The following SNX32 variants were observed in gnomAD, a reference collection of about 807,000 sequenced individuals.
SNX32 encodes the protein sorting nexin 32, also known as sorting nexin-32.
In SNX32, 58 loss-of-function variants were observed where a neutral mutation model predicts 57.0. That is an observed-to-expected ratio of 1.02 (90% CI 0.82 to 1.27). The LOEUF is 1.27. SNX32 is among the 50% of genes most tolerant of loss of function. SNX32 has a pLI of 0.00. For synonymous variants in SNX32, 262 were observed against 220.4 expected (o/e 1.19, Z -1.67); for missense variants, 589 against 541.2 (o/e 1.09, Z -0.88).
intron 12 of SNX32, 54 bp downstream of exon 12, chr11:65,853,012 C>T (rs1859267750): frequency 1.3e-6 from 2 of 1,578,540 alleles, no homozygotes; most frequent in Non-Finnish European, 1.7e-6. Context: ...TCCCACCTCC[C>T]TCCCTCCCCC....
chr11:65,851,617 A>C, intron 8 of SNX32, 23 bp from the exon 9 acceptor site: 1 of 1,613,454 alleles, frequency 6.2e-7, no homozygotes, highest in Non-Finnish European at 8.5e-7. Flanking sequence ...CCCTACCCTA[A>C]CTCCCTCCCT....
At position 65,853,586 on chromosome 11, in the gene SNX32, TCTCC is replaced by T. The variant is rs1565257158; in HGVS notation, c.*253_*256del. 1.8e-6 allele frequency: 1 copy of T among 569,674 alleles called. No individual in the cohort carries two copies. Among genetic ancestry groups the T allele is most frequent in the Admixed American group, 3.1e-5 (1 of 32,486 alleles). The allele number at this position is 569,674 out of a possible 1,614,324, so 35.3% of individuals were successfully genotyped here. The stretch of plus-strand genomic sequence containing the variant: ...GCAGAGCCCCAGGGACCCTGACACC[TCTCC>T]CCAGGAAGCTGAGGAACAGCCTCTA... On this transcript the variant is annotated 3_prime_UTR_variant, in exon 13 of 13. Transcript: ENST00000308342.
At position 65,853,360 on chromosome 11, in the gene SNX32, T is replaced by C. The variant is rs767634000; in HGVS notation, c.*25T>C. 2 of 1,610,796 alleles carry C rather than the reference T, an allele frequency of 1.2e-6. No homozygotes were observed. Among genetic ancestry groups the C allele is most frequent in the South Asian group, 2.2e-5 (2 of 91,012 alleles). On this transcript the variant is annotated 3_prime_UTR_variant, in exon 13 of 13. Coordinates refer to ENST00000308342, the MANE Select transcript of SNX32 (RefSeq NM_152760.3). ...GAGTAGCCAGAGCTCAGCCAGACCCTAATCTGGGATCTCCAGTGACCAGGG... is the reference window on the plus strand; with the variant it reads ...GAGTAGCCAGAGCTCAGCCAGACCCCAATCTGGGATCTCCAGTGACCAGGG...
In SNX32 at chr11:65,851,994, CAT is replaced by C. The variant is rs548310545; in HGVS notation, c.825+316_825+317del. On this transcript the variant is annotated intron_variant, in intron 9 of 12. Coordinates refer to ENST00000308342, the MANE Select transcript of SNX32 (RefSeq NM_152760.3). ...GCTGCCAGCACACTGCCCGGGCACA[CAT>C]GTTCCCCACTCTTCCCTAAGAAAGT... Among the ~76,000 whole-genome samples, 62 of 152,282 alleles carry C rather than the reference CAT, an allele frequency of 4.1e-4. 1 individual carries two copies. The highest frequency in any genetic ancestry group is 9.4e-4 in the African/African-American group (39 of 41,556).
chr11:65,851,012 C>T lies in SNX32; in HGVS notation c.604-43C>T, dbSNP rs750284291. The T allele has an allele frequency of 5.1e-6, 8 of 1,568,140 alleles. No homozygotes were observed. The East Asian group carries it at 9.0e-5, about 18-fold the overall frequency. On this transcript the variant is annotated intron_variant, in intron 6 of 12. Coordinates refer to ENST00000308342, the MANE Select transcript of SNX32 (RefSeq NM_152760.3). ...CCTGGGTGCCTGTGTTGTCAAGCCC[C>T]GTGGTGACCCAGTGTAAATGGGGTC...
chr11:65,851,008 G>T, intron 6 of SNX32, 47 bp from the exon 7 acceptor site: 1 of 1,563,640 alleles, frequency 6.4e-7, no homozygotes, highest in Non-Finnish European at 8.8e-7. Context: ...GTGTTGTCAA[G>T]CCCCGTGGTG....
chr11:65,839,349 C>T (rs1433727592), intron 1 of SNX32, among the ~76,000 whole-genome samples: 3 of 142,216 alleles, frequency 2.1e-5, no homozygotes, highest in African/African-American at 7.9e-5. Flanking sequence ...CCCGCCTCAG[C>T]CTCCCAAGTA....
intron 1 of SNX32, among the ~76,000 whole-genome samples, chr11:65,843,873 A>G (rs1858915522): frequency 6.6e-6 from 1 of 152,252 alleles, no homozygotes; most frequent in Non-Finnish European, 1.5e-5. Flanking sequence ...AGATAATCTG[A>G]TCTTTCAAAG....
chr11:65,849,941 C>G lies in SNX32; in HGVS notation c.163C>G (p.Gln55Glu), dbSNP rs1196826748. ...QTKSCLPHFA[Q>E]TEFSVVRQHE... ...CCAGAGCTGCCTCCCTCACTTCGCCCAGACCGAGTTCTCAGTCGTGCGGCA... is the reference window on the plus strand; with the variant it reads ...CCAGAGCTGCCTCCCTCACTTCGCCGAGACCGAGTTCTCAGTCGTGCGGCA... The change falls in exon 3 of 13, where the codon CAG becomes GAG. Residue 55 changes from glutamine (Q) to glutamate (E), a missense_variant. By Grantham distance (29) the Gln-to-Glu change is conservative. Transcript: ENST00000308342. 8 of 1,586,044 alleles carry G rather than the reference C, an allele frequency of 5.0e-6. No homozygotes were observed. Among genetic ancestry groups the G allele is most frequent in the Admixed American group, 1.7e-5 (1 of 58,210 alleles).
In SNX32 at chr11:65,852,972, C is replaced by T; in HGVS notation, c.1158+14C>T. ...AAACACGCCAAGGTGAGCCCTCCCA[C>T]CTCACTGGGCCCTTGTGAAGCCTCC... On this transcript the variant is annotated intron_variant, in intron 12 of 12. Coordinates refer to ENST00000308342, the MANE Select transcript of SNX32 (RefSeq NM_152760.3). 1.2e-6 allele frequency: 2 copies of T among 1,613,676 alleles called. No individual in the cohort carries two copies. The highest frequency in any genetic ancestry group is 1.7e-5 in the Admixed American group (1 of 60,016).
At chr11:65,841,305 T>C (rs1243074578) in intron 1 of SNX32, among the ~76,000 whole-genome samples, 1 of 151,764 alleles carries the variant, frequency 6.6e-6, no homozygotes, top group Admixed American at 6.6e-5. Context: ...GGTGTGATCA[T>C]GGCTCACAGC....
Position 65,851,676 on chromosome 11 carries a change from G to A in SNX32, c.822G>A (p.Leu274=), listed in dbSNP as rs1206386602. ...FLKLAELFER[L]RKLEGRVASD... ...AATTGGCAGAGCTCTTTGAACGGCT[G>A]AGGGTGAGTACTGCCTTCTGTGCTC... Residue 274 remains leucine (L), a synonymous_variant, in exon 9 of 13, where the codon CTG becomes CTA. Coordinates refer to ENST00000308342, the MANE Select transcript of SNX32 (RefSeq NM_152760.3). The A allele has an allele frequency of 1.9e-6, 3 of 1,614,018 alleles. No homozygotes were observed. Among genetic ancestry groups the A allele is most frequent in the African/African-American group, 2.7e-5 (2 of 74,948 alleles).
chr11:65,839,666 A>T (rs1330747300), intron 1 of SNX32, among the ~76,000 whole-genome samples: 4 of 150,216 alleles, frequency 2.7e-5, no homozygotes, highest in African/African-American at 4.9e-5. Flanking sequence ...AACTAAAAAA[A>T]TTTTTTTTGT....
chr11:65,853,413 T>G lies in SNX32; in HGVS notation c.*78T>G. 1 of 1,450,042 alleles carries G rather than the reference T, an allele frequency of 6.9e-7. No individual in the cohort carries two copies. The allele number at this position is 1,450,042 out of a possible 1,614,324, so 89.8% of individuals were successfully genotyped here. On this transcript the variant is annotated 3_prime_UTR_variant, in exon 13 of 13. Transcript: ENST00000308342. Reference sequence around the variant, plus strand: ...TCCCAGACCCCTCTCTCCGGCAAGATGTCTCCTTCCCTAGCAGTGCCACTA... The same window carrying G: ...TCCCAGACCCCTCTCTCCGGCAAGAGGTCTCCTTCCCTAGCAGTGCCACTA...
At chr11:65,838,863 T>C (rs1858742319) in intron 1 of SNX32, among the ~76,000 whole-genome samples, 1 of 152,086 alleles carries the variant, frequency 6.6e-6, no homozygotes, top group Admixed American at 6.6e-5. Flanking sequence ...TCTAGATAAC[T>C]CTTAGGCCAA....
In SNX32 at chr11:65,849,459, G is replaced by C; in HGVS notation, c.37-19G>C. The C allele has an allele frequency of 6.3e-7, 1 of 1,592,712 alleles. No individual in the cohort carries two copies. Among genetic ancestry groups the C allele is most frequent in the Non-Finnish European group, 8.6e-7 (1 of 1,166,788 alleles). ...AGGGGCCATGCTCAGCCAGGCCAGA[G>C]ACCTCCCCTCCTCCGCAGCCTTCCT... On this transcript the variant is annotated intron_variant, in intron 1 of 12. Transcript: ENST00000308342.
chr11:65,848,353 G>A (rs2134697067), intron 1 of SNX32, among the ~76,000 whole-genome samples: 1 of 151,550 alleles, frequency 6.6e-6, no homozygotes, highest in South Asian at 2.1e-4. Flanking sequence ...TGGGAGGATT[G>A]CTTGAGCCCA....
intron 1 of SNX32, among the ~76,000 whole-genome samples, chr11:65,839,942 T>C (rs906113440): frequency 1.3e-5 from 2 of 151,840 alleles, no homozygotes; most frequent in African/African-American, 4.8e-5. Flanking sequence ...GCGGATCACC[T>C]GAGGTCAGGA....
intron 7 of SNX32, 60 bp from the exon 8 acceptor site, chr11:65,851,268 A>G (rs1481201457): frequency 6.2e-7 from 1 of 1,607,624 alleles, no homozygotes; most frequent in Non-Finnish European, 8.5e-7. Flanking sequence ...GTCTGTGGCC[A>G]CAAGCACCAA....
Sources: allele counts gnomAD v4.1 joint callset (sites outside exome capture counted in the v4.1 genomes callset), GRCh38; gene constraint gnomAD v4.1.1; transcripts MANE v1.5; gene names NCBI Gene and HGNC (gene_info 2026-07-23, HGNC 2026-07-21).